CSMD2: variants seen among roughly 807,000 people sequenced by gnomAD.
CSMD2 encodes the protein CUB and Sushi multiple domains 2, also known as CUB and sushi domain-containing protein 2.
In CSMD2, 130 loss-of-function variants were observed where a neutral mutation model predicts 398.5. The observed-to-expected ratio is 0.33, with a 90% CI of 0.28 to 0.38. CSMD2 has a LOEUF of 0.38. Among genes scored for constraint, CSMD2 ranks in the 10% least tolerant of loss-of-function variants. The pLI is 1.00. For missense variants in CSMD2, 3,829 were observed against 4,764.9 expected, an observed-to-expected ratio of 0.80 and a Z score of 5.78; for synonymous variants, 1,828 against 1,908.5, an observed-to-expected ratio of 0.96 and a Z score of 1.10.
At chr1:34,082,404 G>A (rs1020375716) in intron 2 of CSMD2, among the ~76,000 whole-genome samples, 15 of 151,224 alleles carry the variant, frequency 9.9e-5, no homozygotes, top group African/African-American at 2.2e-4. Flanking sequence ...CAGCCGCCCC[G>A]TCTGGGAGGT....
At chr1:34,005,531 A>C (rs1017306059) in intron 3 of CSMD2, among the ~76,000 whole-genome samples, 54 of 152,186 alleles carry the variant, frequency 3.5e-4, no homozygotes, top group Non-Finnish European at 3.7e-4. Flanking sequence ...CAAGGACATC[A>C]TTAGAAGGTG....
At chr1:34,090,189 A>G (rs906779561) in intron 1 of CSMD2, among the ~76,000 whole-genome samples, 4 of 152,166 alleles carry the variant, frequency 2.6e-5, no homozygotes, top group Non-Finnish European at 5.9e-5. Flanking sequence ...CACCTGGGGA[A>G]TCTGTCTCAA....
At chr1:34,082,292 AGAAGTGAGGAGCC>A in intron 2 of CSMD2, among the ~76,000 whole-genome samples, 1 of 116,712 alleles carries the variant, frequency 8.6e-6, no homozygotes, top group Admixed American at 8.2e-5. Context: ...GCCCCGTCTG[AGAAGTGAGGAGCC>A]CCTCTGCCCG....
At chr1:33,544,806 A>G (rs1656713070) in intron 57 of CSMD2, among the ~76,000 whole-genome samples, 1 of 149,576 alleles carries the variant, frequency 6.7e-6, no homozygotes, top group Non-Finnish European at 1.5e-5. Flanking sequence ...GACACTGTAA[A>G]TGCCCTGACT....
intron 1 of CSMD2, among the ~76,000 whole-genome samples, chr1:34,143,783 T>C (rs1639519548): frequency 6.6e-6 from 1 of 152,222 alleles, no homozygotes; most frequent in Non-Finnish European, 1.5e-5. Flanking sequence ...CCTGCTCCTC[T>C]TGCCTTGGGT....
At chr1:33,561,200 T>G (rs1315467503) in intron 53 of CSMD2, among the ~76,000 whole-genome samples, 1 of 152,162 alleles carries the variant, frequency 6.6e-6, no homozygotes, top group African/African-American at 2.4e-5. Context: ...CTAGTTCTCT[T>G]CTGTAAATCT....
chr1:34,084,764 A>G (rs1335852178), intron 2 of CSMD2, among the ~76,000 whole-genome samples: 16 of 151,854 alleles, frequency 1.1e-4, no homozygotes, highest in African/African-American at 3.4e-4. Context: ...AAATAGGAAC[A>G]CTTTTACACT....
intron 52 of CSMD2, among the ~76,000 whole-genome samples, chr1:33,568,807 T>C (rs1006033765): frequency 2.6e-5 from 4 of 152,024 alleles, no homozygotes; most frequent in African/African-American, 4.8e-5. Flanking sequence ...TCTATCCTAT[T>C]AGGTTTATGT....
chr1:33,741,631 C>T (rs1647071429), intron 14 of CSMD2, among the ~76,000 whole-genome samples: 1 of 152,206 alleles, frequency 6.6e-6, no homozygotes, highest in South Asian at 2.1e-4. Context: ...TGGTTAACAT[C>T]TCTCCTTTGA....
chr1:33,721,859 A>G (rs1157117529), intron 19 of CSMD2, among the ~76,000 whole-genome samples: 1 of 152,274 alleles, frequency 6.6e-6, no homozygotes, highest in African/African-American at 2.4e-5. Context: ...CAAAATTAGA[A>G]AAAAGCCAAA....
In CSMD2 at chr1:33,714,619, C is replaced by T. The variant is rs750515208; in HGVS notation, c.3374G>A (p.Arg1125His). Residue 1125 changes from arginine (R) to histidine (H), a missense_variant, in exon 21 of 71, where the codon CGC becomes CAC. Coordinates refer to ENST00000373381, the MANE Select transcript of CSMD2 (RefSeq NM_001281956.2). ...ARITCLGGRR[R>H]LWSSPLPRCV... ...CCTTGGCAGAGGCGAGCTCCACAGG[C>T]GCCGTCTGCCCCCCAGGCACGTGAT... 127 of 1,613,802 alleles carry T rather than the reference C, an allele frequency of 7.9e-5. No homozygotes were observed. The highest frequency in any genetic ancestry group is 1.0e-4 in the Non-Finnish European group (118 of 1,180,034).
At chr1:33,729,426 C>A (rs959814772) in intron 15 of CSMD2, among the ~76,000 whole-genome samples, 6 of 150,296 alleles carry the variant, frequency 4.0e-5, no homozygotes, top group Admixed American at 3.3e-4. Flanking sequence ...GTGGTAGTTG[C>A]CCGGCAGGGA....
intron 44 of CSMD2, chr1:33,592,371 CATCTG>C (rs1278658638): frequency 1.4e-6 from 1 of 715,384 alleles, no homozygotes; most frequent in East Asian, 2.7e-5. Flanking sequence ...CAAGAGAGAA[CATCTG>C]ATTGCCCCTG....
intron 13 of CSMD2, among the ~76,000 whole-genome samples, chr1:33,747,178 A>G (rs1421105276): frequency 6.6e-6 from 1 of 152,258 alleles, no homozygotes; most frequent in Non-Finnish European, 1.5e-5. Flanking sequence ...GGTTAACAAA[A>G]AGCATAAAAA....
intron 25 of CSMD2, among the ~76,000 whole-genome samples, chr1:33,686,300 C>A (rs1475491978): frequency 6.6e-6 from 1 of 152,192 alleles, no homozygotes; most frequent in African/African-American, 2.4e-5. Context: ...AGTTTCCACT[C>A]CTATAGGATG....
chr1:34,086,382 G>A (rs565171142), intron 2 of CSMD2, among the ~76,000 whole-genome samples: 48 of 152,280 alleles, frequency 3.2e-4, no homozygotes, highest in African/African-American at 1.1e-3. Flanking sequence ...TGACGGCCTT[G>A]AACTCAAAAA....
At chr1:33,646,006 T>C (rs1292117116) in intron 29 of CSMD2, among the ~76,000 whole-genome samples, 2 of 152,242 alleles carry the variant, frequency 1.3e-5, no homozygotes, top group African/African-American at 4.8e-5. Context: ...TAGGTAAACC[T>C]ACAATATTTA....
chr1:34,049,090 C>G (rs2148216379), intron 2 of CSMD2, among the ~76,000 whole-genome samples: 1 of 152,282 alleles, frequency 6.6e-6, no homozygotes, highest in Non-Finnish European at 1.5e-5. Context: ...GTAGGCTGAG[C>G]CCACAGCTGT....
At chr1:33,816,768 T>TGAGG (rs1253095699) in intron 9 of CSMD2, among the ~76,000 whole-genome samples, 1 of 152,168 alleles carries the variant, frequency 6.6e-6, no homozygotes, top group African/African-American at 2.4e-5. Context: ...TATCTCAAAA[T>TGAGG]GAGGGCACAG....
Sources: allele counts gnomAD v4.1 joint callset (sites outside exome capture counted in the v4.1 genomes callset), GRCh38; gene constraint gnomAD v4.1.1; transcripts MANE v1.5; gene names NCBI Gene and HGNC (gene_info 2026-07-23, HGNC 2026-07-21).